CPPED1: variants seen among roughly 807,000 people sequenced by gnomAD.
CPPED1 encodes the protein serine/threonine-protein phosphatase CPPED1.
In CPPED1, 28 loss-of-function variants were observed where a neutral mutation model predicts 28.0. The ratio of observed to expected loss-of-function variants is 1.00; its 90% confidence interval spans 0.74 to 1.37. The LOEUF (loss-of-function observed/expected upper bound fraction) is 1.37, where lower values mean the gene tolerates loss of function less well. CPPED1 is among the 40% of genes most tolerant of loss of function. The pLI is 0.00. For missense variants in CPPED1, 504 were observed against 416.5 expected, an observed-to-expected ratio of 1.21 and a Z score of -1.83; for synonymous variants, 198 against 180.2, an observed-to-expected ratio of 1.10 and a Z score of -0.79.
In CPPED1 at chr16:12,664,275, C is replaced by G. The variant is rs2079812523; in HGVS notation, c.*611G>C. 13 of 821,950 alleles carry G rather than the reference C, an allele frequency of 1.6e-5. No homozygotes were observed. Among genetic ancestry groups the G allele is most frequent in the African/African-American group, 1.9e-5 (1 of 53,868 alleles). The allele number at this position is 821,950 out of a possible 1,614,324, so 50.9% of individuals were successfully genotyped here. ...GCACCCAGGAAGGCAAATTTAAGCT[C>G]CGAGCTGTATCAACTGCATTCTGTT... On this transcript the variant is annotated 3_prime_UTR_variant, in exon 4 of 4. Transcript: ENST00000381774. The surrounding 1 kb of genome is among the most constrained non-coding windows in gnomAD (Gnocchi z 4.2).
chr16:12,770,687 GCA>G (rs1300072713), intron 2 of CPPED1, among the ~76,000 whole-genome samples: 1 of 151,922 alleles, frequency 6.6e-6, no homozygotes, highest in Non-Finnish European at 1.5e-5. Flanking sequence ...CGGTGTGGTG[GCA>G]CACACACCTG....
At chr16:12,674,007 C>T (rs1377744123) in intron 3 of CPPED1, among the ~76,000 whole-genome samples, 4 of 152,040 alleles carry the variant, frequency 2.6e-5, no homozygotes, top group African/African-American at 9.7e-5. Context: ...TATGGTTGCA[C>T]CACTGCACTC....
intron 3 of CPPED1, among the ~76,000 whole-genome samples, chr16:12,691,266 A>G (rs1191441793): frequency 1.3e-5 from 2 of 152,206 alleles, no homozygotes; most frequent in African/African-American, 4.8e-5. Flanking sequence ...TTACTAGTAT[A>G]GTGTCCTGTG....
chr16:12,765,469 C>T (rs928410963), intron 2 of CPPED1, among the ~76,000 whole-genome samples: 5 of 152,128 alleles, frequency 3.3e-5, no homozygotes, highest in Non-Finnish European at 7.3e-5. Context: ...ACATAATAGG[C>T]AGCTTTGTAT....
chr16:12,785,711 G>A (rs758796218), intron 1 of CPPED1, among the ~76,000 whole-genome samples: 7 of 152,088 alleles, frequency 4.6e-5, no homozygotes, highest in African/African-American at 1.7e-4. Flanking sequence ...TGGGATTATA[G>A]GCATGAGCCA....
chr16:12,766,782 A>C (rs1272279583), intron 2 of CPPED1, among the ~76,000 whole-genome samples: 1 of 152,148 alleles, frequency 6.6e-6, no homozygotes, highest in Non-Finnish European at 1.5e-5. Context: ...TAAAAAGAAA[A>C]GCAAAAACAG....
chr16:12,787,625 T>C (rs1466403101), intron 1 of CPPED1, among the ~76,000 whole-genome samples: 2 of 151,982 alleles, frequency 1.3e-5, no homozygotes, highest in Non-Finnish European at 2.9e-5. Flanking sequence ...CAGGCTGGTT[T>C]TGAACTCCTG....
chr16:12,788,789 C>T (rs2080579293), intron 1 of CPPED1, among the ~76,000 whole-genome samples: 1 of 152,170 alleles, frequency 6.6e-6, no homozygotes, highest in African/African-American at 2.4e-5. Flanking sequence ...AAAAAGTTTC[C>T]TTCAAATGGA....
intron 3 of CPPED1, among the ~76,000 whole-genome samples, chr16:12,688,203 A>G (rs2079943400): frequency 6.6e-6 from 1 of 151,840 alleles, no homozygotes; most frequent in Non-Finnish European, 1.5e-5. Context: ...CACAATCTTA[A>G]GAGGAACCAC....
chr16:12,730,522 C>T (rs2080191829), intron 2 of CPPED1, among the ~76,000 whole-genome samples: 1 of 152,034 alleles, frequency 6.6e-6, no homozygotes. Context: ...CACAATAGCC[C>T]CCAAGTAGAA....
chr16:12,744,746 C>T lies in CPPED1; in HGVS notation c.289+36439G>A, dbSNP rs555869825. The stretch of plus-strand genomic sequence containing the variant: ...CTGTAATCCCAGTACTTTGGGAGGC[C>T]GAGGCAGGCAGACTGCTTGAGCTCA... On this transcript the variant is annotated intron_variant, in intron 2 of 3. Transcript: ENST00000381774. Among the ~76,000 whole-genome samples, 9 of 152,142 alleles carry T rather than the reference C, an allele frequency of 5.9e-5. No individual in the cohort carries two copies. In the South Asian group the frequency reaches 6.2e-4, roughly 11 times the overall value.
In CPPED1 at chr16:12,744,950, G is replaced by C. The variant is rs1207079343; in HGVS notation, c.289+36235C>G. 3.3e-5 allele frequency among the ~76,000 whole-genome samples: 5 copies of C among 152,172 alleles called. No individual in the cohort carries two copies. The East Asian group carries it at 9.6e-4, about 29-fold the overall frequency. On this transcript the variant is annotated intron_variant, in intron 2 of 3. Coordinates refer to ENST00000381774, the MANE Select transcript of CPPED1 (RefSeq NM_018340.3). ...TGCAGTGAGCTGAGATCACACTACT[G>C]AACTCCAGCCTTGGGCAATAGAGCC...
At chr16:12,755,371 T>C (rs1480968599) in intron 2 of CPPED1, among the ~76,000 whole-genome samples, 1 of 146,970 alleles carries the variant, frequency 6.8e-6, no homozygotes, top group Non-Finnish European at 1.5e-5. Context: ...AGCCTTGACC[T>C]CCCAGGCTCA....
At position 12,688,612 on chromosome 16, in the gene CPPED1, C is replaced by G. The variant is rs577717599; in HGVS notation, c.715+16012G>C. Among the ~76,000 whole-genome samples, 338 of 152,218 alleles carry G rather than the reference C, an allele frequency of 2.2e-3. 2 individuals are homozygous for G. The highest frequency in any genetic ancestry group is 7.8e-3 in the African/African-American group (322 of 41,516). On this transcript the variant is annotated intron_variant, in intron 3 of 3. Transcript: ENST00000381774. Reference sequence around the variant, plus strand: ...TCGGCCTCCCAAAGTACTGGGATTACAGGCCTGATTCATCGCGCCCAGCCC... The same window carrying G: ...TCGGCCTCCCAAAGTACTGGGATTAGAGGCCTGATTCATCGCGCCCAGCCC...
intron 1 of CPPED1, among the ~76,000 whole-genome samples, chr16:12,801,035 T>C (rs1189445914): frequency 1.3e-5 from 2 of 152,194 alleles, no homozygotes; most frequent in Non-Finnish European, 2.9e-5. Context: ...CAACTTCCTA[T>C]TCTCCACCAT....
intron 3 of CPPED1, among the ~76,000 whole-genome samples, chr16:12,666,766 T>A (rs537475238): frequency 2.0e-5 from 3 of 152,152 alleles, no homozygotes; most frequent in Non-Finnish European, 4.4e-5. Context: ...AAGTGATCAG[T>A]TTTGAGTATT....
chr16:12,685,599 A>C (rs1325133927), intron 3 of CPPED1, among the ~76,000 whole-genome samples: 2 of 152,176 alleles, frequency 1.3e-5, no homozygotes, highest in Non-Finnish European at 2.9e-5. Flanking sequence ...CGTGTTTGAA[A>C]CATAGTGTGG....
At chr16:12,689,033 T>C (rs1430590509) in intron 3 of CPPED1, among the ~76,000 whole-genome samples, 2 of 152,100 alleles carry the variant, frequency 1.3e-5, no homozygotes, top group Non-Finnish European at 2.9e-5. Context: ...TGTTATTATG[T>C]ATGACAAAGA....
chr16:12,720,686 C>T (rs894661544), intron 2 of CPPED1, among the ~76,000 whole-genome samples: 1 of 152,190 alleles, frequency 6.6e-6, no homozygotes, highest in African/African-American at 2.4e-5. Flanking sequence ...CAGGGTTTCA[C>T]CATGTTGGCC....
Sources: gnomAD v4.1 joint callset for allele counts (sites outside exome capture counted in the v4.1 genomes callset) on GRCh38, gnomAD v4.1.1 for gene constraint, Gnocchi (gnomAD v3.1) non-coding constraint, MANE v1.5 for transcripts, NCBI Gene and HGNC (gene_info 2026-07-23, HGNC 2026-07-21) for gene names.